The following CSNK1G1 variants were observed in gnomAD, a reference collection of about 807,000 sequenced individuals.
CSNK1G1 encodes casein kinase 1 gamma 1, also known as casein kinase I isoform gamma-1.
Under a neutral mutation model 59.6 loss-of-function variants are expected in CSNK1G1, and 22 were observed. The ratio of observed to expected loss-of-function variants is 0.37; its 90% confidence interval spans 0.26 to 0.53. The LOEUF is 0.53. CSNK1G1 is among the 20% of genes least tolerant of loss of function. The pLI, the probability that CSNK1G1 is intolerant of heterozygous loss-of-function variation, is 0.89. For missense variants in CSNK1G1, 384 were observed against 519.5 expected (o/e 0.74, Z 2.54); for synonymous variants, 179 against 177.1 (o/e 1.01, Z -0.08).
chr15:64,206,257 T>C (rs1290665957), intron 7 of CSNK1G1, among the ~76,000 whole-genome samples: 1 of 152,012 alleles, frequency 6.6e-6, no homozygotes, highest in African/African-American at 2.4e-5. Flanking sequence ...CTGGCCAATA[T>C]GGTGAAACCC....
intron 4 of CSNK1G1, among the ~76,000 whole-genome samples, chr15:64,231,662 A>G (rs555007113): frequency 2.4e-4 from 36 of 152,072 alleles, no homozygotes; most frequent in African/African-American, 8.4e-4. Flanking sequence ...ATATGTTCAA[A>G]TAAATCATAG....
chr15:64,343,138 G>A (rs929547257), intron 1 of CSNK1G1, among the ~76,000 whole-genome samples: 3 of 149,858 alleles, frequency 2.0e-5, no homozygotes, highest in East Asian at 2.0e-4. Context: ...CTTGAACCCA[G>A]GAGGCAGAGG....
intron 2 of CSNK1G1, among the ~76,000 whole-genome samples, chr15:64,274,744 G>T (rs764140745): frequency 1.7e-4 from 26 of 152,050 alleles, no homozygotes; most frequent in Non-Finnish European, 3.7e-4. Context: ...AACATTCACC[G>T]TAAGCTTCAT....
At chr15:64,225,597 C>T (rs1297603178) in intron 4 of CSNK1G1, among the ~76,000 whole-genome samples, 3 of 152,086 alleles carry the variant, frequency 2.0e-5, no homozygotes, top group Non-Finnish European at 4.4e-5. Context: ...TATCAGAAGC[C>T]CCTAAAGGTA....
intron 10 of CSNK1G1, chr15:64,181,379 G>C (rs1276540468): frequency 6.5e-7 from 1 of 1,535,684 alleles, no homozygotes; most frequent in Non-Finnish European, 8.7e-7. Context: ...CTGGGAAGTG[G>C]GAAAAGGGGC....
intron 2 of CSNK1G1, among the ~76,000 whole-genome samples, chr15:64,298,411 A>G (rs917019887): frequency 6.6e-6 from 1 of 152,232 alleles, no homozygotes; most frequent in African/African-American, 2.4e-5. Flanking sequence ...TCAATTTATG[A>G]CATAAAGAAA....
chr15:64,234,224 A>T (rs926129545), intron 4 of CSNK1G1, among the ~76,000 whole-genome samples: 2 of 152,306 alleles, frequency 1.3e-5, no homozygotes, highest in African/African-American at 4.8e-5. Flanking sequence ...CCCTTTACCC[A>T]GTGAACGGGA....
intron 2 of CSNK1G1, among the ~76,000 whole-genome samples, chr15:64,287,079 T>C (rs4502167): frequency 0.048 from 7,248 of 152,250 alleles, 182 homozygotes; most frequent in South Asian, 0.079. Flanking sequence ...TTGTGGTATT[T>C]CAACTATACA....
chr15:64,313,791 GA>G (rs762887326), intron 1 of CSNK1G1, among the ~76,000 whole-genome samples: 2,363 of 81,902 alleles, frequency 0.029, 66 homozygotes, highest in African/African-American at 0.093. Context: ...CCTGCTGGGA[GA>G]AAAAAAAAAA....
chr15:64,189,422 CT>C lies in CSNK1G1; in HGVS notation c.1108-8969del. 2.3e-6 allele frequency: 3 copies of C among 1,290,152 alleles called. 1 individual carries two copies. Among genetic ancestry groups the C allele is most frequent in the Non-Finnish European group, 3.0e-6 (3 of 988,494 alleles). 79.9% of individuals were successfully genotyped at this position (1,290,152 alleles called of 1,614,324 possible). A position where few individuals can be genotyped will look rare whatever the true frequency, so the allele number is the denominator to read the frequency against. On this transcript the variant is annotated intron_variant, in intron 10 of 11. Transcript: ENST00000303052. ...AGAATCTGTTTAGGTGCCTCTTCCC[CT>C]GTGCCAGATGGCTGAGTTGTTAACA...
intron 4 of CSNK1G1, among the ~76,000 whole-genome samples, chr15:64,222,273 T>TA (rs1188710713): frequency 8.1e-6 from 1 of 123,958 alleles, no homozygotes; most frequent in Non-Finnish European, 1.7e-5. Context: ...CCAGGGCCTG[T>TA]TGGTGGATGG....
At chr15:64,327,102 C>G (rs1158296738) in intron 1 of CSNK1G1, among the ~76,000 whole-genome samples, 3 of 151,936 alleles carry the variant, frequency 2.0e-5, no homozygotes, top group Non-Finnish European at 4.4e-5. Flanking sequence ...GGGGGAGGGG[C>G]GCCCGCCATT....
chr15:64,287,045 C>CT (rs1465815953), intron 2 of CSNK1G1, among the ~76,000 whole-genome samples: 1 of 151,986 alleles, frequency 6.6e-6, no homozygotes, highest in Non-Finnish European at 1.5e-5. Flanking sequence ...ATTCTGATGT[C>CT]TTTTGTAACT....
In CSNK1G1 at chr15:64,254,219, G is replaced by A. The variant is rs571807006; in HGVS notation, c.223-2638C>T. Reference sequence around the variant, plus strand: ...GACAGACAGAATGGTGGTTGCCAAGGGGTTGGGGGGAGGGGAGAATGAGGA... The same window carrying A: ...GACAGACAGAATGGTGGTTGCCAAGAGGTTGGGGGGAGGGGAGAATGAGGA... On this transcript the variant is annotated intron_variant, in intron 3 of 11. Transcript: ENST00000303052. Among the ~76,000 whole-genome samples, 16 of 152,212 alleles carry A rather than the reference G, an allele frequency of 1.1e-4. No homozygotes were observed. In the East Asian group the frequency reaches 1.9e-3, roughly 18 times the overall value.
At chr15:64,309,161 T>C (rs1895852315) in intron 1 of CSNK1G1, among the ~76,000 whole-genome samples, 1 of 152,172 alleles carries the variant, frequency 6.6e-6, no homozygotes, top group African/African-American at 2.4e-5. Context: ...ATGTAGTCCT[T>C]TTAGTAACTC....
intron 1 of CSNK1G1, among the ~76,000 whole-genome samples, chr15:64,340,607 C>T (rs1295445022): frequency 6.6e-6 from 1 of 152,120 alleles, no homozygotes; most frequent in Non-Finnish European, 1.5e-5. Context: ...TTCTGGGCAG[C>T]CTAATTACCT....
intron 10 of CSNK1G1, among the ~76,000 whole-genome samples, chr15:64,201,724 G>GTGTGTGTC (rs1460777378): frequency 1.3e-5 from 2 of 150,762 alleles, no homozygotes; most frequent in Non-Finnish European, 3.0e-5. Flanking sequence ...GTGTGTGTGT[G>GTGTGTGTC]TGTGTGTGTG....
chr15:64,296,223 C>T (rs1895014262), intron 2 of CSNK1G1, among the ~76,000 whole-genome samples: 1 of 152,172 alleles, frequency 6.6e-6, no homozygotes, highest in South Asian at 2.1e-4. Context: ...CAGGCTCAAG[C>T]CATCCTCCCA....
intron 2 of CSNK1G1, among the ~76,000 whole-genome samples, chr15:64,259,488 A>ACACC (rs1340956798): frequency 1.7e-4 from 18 of 105,624 alleles, no homozygotes; most frequent in African/African-American, 1.1e-3. Context: ...TCTCTTACAC[A>ACACC]CACACACACA....
Sources: allele counts gnomAD v4.1 joint callset (sites outside exome capture counted in the v4.1 genomes callset), GRCh38; gene constraint gnomAD v4.1.1; transcripts MANE v1.5; gene names NCBI Gene and HGNC (gene_info 2026-07-23, HGNC 2026-07-21).